The following RBMS3 variants were observed in gnomAD, a reference collection of about 807,000 sequenced individuals.
RBMS3 encodes RNA binding motif single stranded interacting protein 3, also known as RNA-binding motif, single-stranded-interacting protein 3.
A neutral mutation model predicts 66.8 loss-of-function variants in RBMS3; 27 were observed. The observed-to-expected ratio is 0.40, with a 90% CI of 0.30 to 0.56. The LOEUF is 0.56. Ranked by LOEUF, RBMS3 falls within the 20% of genes least tolerant of loss-of-function variation. RBMS3 has a pLI of 0.40. For synonymous variants in RBMS3, 188 were observed against 183.0 expected (o/e 1.03, Z -0.22); for missense variants, 513 against 549.5 (o/e 0.93, Z 0.66).
Position 29,897,442 on chromosome 3 carries a change from A to T in RBMS3, c.855A>T (p.Pro285=). The T allele has an allele frequency of 6.2e-7, 1 of 1,611,182 alleles. No individual in the cohort carries two copies. The highest frequency in any genetic ancestry group is 1.1e-5 in the South Asian group (1 of 91,032). The stretch of plus-strand genomic sequence containing the variant: ...TGATTCCACAGACATCTATCACGCC[A>T]TTCATTGCTGCTTCCCCTGTCTCCA... The part of the protein sequence containing the change: ...NRMIPQTSIT[P]FIAASPVSTY... Residue 285 remains proline, a synonymous_variant, in exon 9 of 15, where the codon CCA becomes CCT. Coordinates refer to ENST00000383767, the MANE Select transcript of RBMS3 (RefSeq NM_001003793.3).
rs555390992 is a variant in RBMS3, at chr3:29,874,431, T to C, written c.744+5467T>C. 2.6e-5 allele frequency among the ~76,000 whole-genome samples: 4 copies of C among 152,338 alleles called. 1 individual carries two copies. The highest frequency in any genetic ancestry group is 9.6e-5 in the African/African-American group (4 of 41,576). ...ATCTACATAGTTTATCACTATTTTC[T>C]TTGTTTATACCACAGTGCTTGGCAA... On this transcript the variant is annotated intron_variant, in intron 7 of 14. Coordinates refer to ENST00000383767, the MANE Select transcript of RBMS3 (RefSeq NM_001003793.3).
At chr3:29,940,056 C>G (rs926014945) in intron 11 of RBMS3, among the ~76,000 whole-genome samples, 1 of 151,804 alleles carries the variant, frequency 6.6e-6, no homozygotes, top group African/African-American at 2.4e-5. Flanking sequence ...CAATCAAGAC[C>G]CTTTCCTTCT....
intron 1 of RBMS3, among the ~76,000 whole-genome samples, chr3:29,354,572 C>T (rs1017781503): frequency 4.6e-5 from 7 of 150,870 alleles, no homozygotes; most frequent in Admixed American, 1.3e-4. Context: ...TGTGCACGTG[C>T]GCACACACAC....
intron 1 of RBMS3, among the ~76,000 whole-genome samples, chr3:29,430,293 C>T (rs909851398): frequency 1.4e-4 from 21 of 151,984 alleles, no homozygotes; most frequent in African/African-American, 4.8e-4. Context: ...TCAATAACAC[C>T]GAGAAAATCG....
intron 6 of RBMS3, among the ~76,000 whole-genome samples, chr3:29,837,618 G>T: frequency 7.7e-6 from 1 of 130,316 alleles, no homozygotes; most frequent in Non-Finnish European, 1.6e-5. Flanking sequence ...TGGACATAAA[G>T]ATCAAATTAG....
chr3:29,516,131 T>C (rs958204798), intron 3 of RBMS3, among the ~76,000 whole-genome samples: 5 of 152,166 alleles, frequency 3.3e-5, no homozygotes, highest in Admixed American at 2.0e-4. Flanking sequence ...GGGAAGGGGA[T>C]TGATCAAGGA....
chr3:29,331,977 G>T (rs2035692404), intron 1 of RBMS3, among the ~76,000 whole-genome samples: 1 of 152,038 alleles, frequency 6.6e-6, no homozygotes, highest in East Asian at 1.9e-4. Flanking sequence ...CTCTTTGGGG[G>T]AGTATCTGGT....
intron 4 of RBMS3, among the ~76,000 whole-genome samples, chr3:29,692,338 C>T (rs1280524627): frequency 1.6e-4 from 25 of 151,872 alleles, no homozygotes; most frequent in Admixed American, 1.6e-3. Context: ...CATATATAAC[C>T]ATTTAACCAA....
At chr3:29,630,036 T>G (rs1304979417) in intron 4 of RBMS3, among the ~76,000 whole-genome samples, 2 of 152,046 alleles carry the variant, frequency 1.3e-5, no homozygotes, top group African/African-American at 4.8e-5. Context: ...GTTTGTTTGT[T>G]TTTTTCCTAG....
chr3:29,444,561 C>G (rs1214612793), intron 2 of RBMS3, among the ~76,000 whole-genome samples: 2 of 151,874 alleles, frequency 1.3e-5, no homozygotes, highest in African/African-American at 4.8e-5. Flanking sequence ...TATACCACAG[C>G]AGCTGAAAGA....
chr3:29,714,374 C>T (rs1329677509), intron 4 of RBMS3, among the ~76,000 whole-genome samples: 1 of 152,124 alleles, frequency 6.6e-6, no homozygotes, highest in Non-Finnish European at 1.5e-5. Context: ...GTTAAAGTTA[C>T]CATTTATAAG....
chr3:29,300,613 T>A (rs1258838716), intron 1 of RBMS3, among the ~76,000 whole-genome samples: 1 of 152,028 alleles, frequency 6.6e-6, no homozygotes, highest in Non-Finnish European at 1.5e-5. Flanking sequence ...TATGTTTGTA[T>A]CTGTATTTAT....
At chr3:29,653,223 G>T (rs2149216420) in intron 4 of RBMS3, among the ~76,000 whole-genome samples, 1 of 152,214 alleles carries the variant, frequency 6.6e-6, no homozygotes, top group African/African-American at 2.4e-5. Flanking sequence ...TTAGATCTCA[G>T]ATAAGCTAAT....
At chr3:29,387,779 T>C (rs571045325) in intron 1 of RBMS3, among the ~76,000 whole-genome samples, 2 of 152,048 alleles carry the variant, frequency 1.3e-5, no homozygotes, top group South Asian at 4.1e-4. Flanking sequence ...AAAATATATA[T>C]AAATTCATGC....
intron 14 of RBMS3, among the ~76,000 whole-genome samples, chr3:29,998,039 TCTC>T (rs1699367313): frequency 6.6e-6 from 1 of 152,066 alleles, no homozygotes; most frequent in South Asian, 2.1e-4. Context: ...CAGCCCCAAA[TCTC>T]CTTAAGCTGA....
At chr3:29,546,446 C>A (rs373009248) in intron 3 of RBMS3, among the ~76,000 whole-genome samples, 15 of 152,156 alleles carry the variant, frequency 9.9e-5, no homozygotes, top group East Asian at 7.7e-4. Context: ...TGATGGGATA[C>A]GTACACATGA....
chr3:29,998,571 C>T (rs1333512555), intron 14 of RBMS3, among the ~76,000 whole-genome samples: 21 of 152,164 alleles, frequency 1.4e-4, no homozygotes, highest in Non-Finnish European at 2.2e-4. Flanking sequence ...AACAGAGATA[C>T]AGACCAATGG....
At chr3:29,303,802 C>A (rs375795807) in intron 1 of RBMS3, among the ~76,000 whole-genome samples, 1 of 151,914 alleles carries the variant, frequency 6.6e-6, no homozygotes, top group Non-Finnish European at 1.5e-5. Context: ...ACAGAGATAA[C>A]CGACACTGGG....
intron 4 of RBMS3, among the ~76,000 whole-genome samples, chr3:29,690,201 G>A (rs1176686497): frequency 6.6e-6 from 1 of 152,102 alleles, no homozygotes; most frequent in Admixed American, 6.5e-5. Context: ...TATAATCACA[G>A]CACTTTGGAA....
Sources: allele counts gnomAD v4.1 joint callset (sites outside exome capture counted in the v4.1 genomes callset), GRCh38; gene constraint gnomAD v4.1.1; transcripts MANE v1.5; gene names NCBI Gene and HGNC (gene_info 2026-07-23, HGNC 2026-07-21).